NCR1: variants seen among roughly 807,000 people sequenced by gnomAD.
NCR1 encodes the protein natural cytotoxicity triggering receptor 1.
In NCR1, 30 loss-of-function variants were observed where a neutral mutation model predicts 32.5. That is an observed-to-expected ratio of 0.92 (90% CI 0.69 to 1.25). NCR1 has a LOEUF of 1.25. Among genes scored for constraint, NCR1 ranks in the 50% most tolerant of loss-of-function variants. The pLI is 0.00. For synonymous variants in NCR1, 169 were observed against 143.4 expected, an observed-to-expected ratio of 1.18 and a Z score of -1.28; for missense variants, 369 against 380.7, an observed-to-expected ratio of 0.97 and a Z score of 0.26.
chr19:54,903,446 G>T (rs587652498), upstream of NCR1, among the ~76,000 whole-genome samples: 1 of 115,730 alleles, frequency 8.6e-6, no homozygotes, highest in Non-Finnish European at 1.7e-5. Flanking sequence ...ATACATGTAT[G>T]TATATACATA....
upstream of NCR1, among the ~76,000 whole-genome samples, chr19:54,902,532 G>T (rs991184580): frequency 6.6e-6 from 1 of 151,982 alleles, no homozygotes; most frequent in African/African-American, 2.4e-5. Flanking sequence ...CTCCCAAAGT[G>T]CTGGGATTAC....
the NCR1 span, among the ~76,000 whole-genome samples, chr19:54,928,687 C>A: frequency 6.6e-6 from 1 of 152,268 alleles, no homozygotes; most frequent in African/African-American, 2.4e-5. Flanking sequence ...AGCATGCTAA[C>A]TGGGGGAGGG....
chr19:54,926,209 T>TGG, the NCR1 span, among the ~76,000 whole-genome samples: 1 of 146,334 alleles, frequency 6.8e-6, no homozygotes, highest in Non-Finnish European at 1.5e-5. Flanking sequence ...ATTAGGGGTG[T>TGG]GTGTGTGTGT....
upstream of NCR1, among the ~76,000 whole-genome samples, chr19:54,902,920 A>G (rs1347651597): frequency 6.6e-6 from 1 of 152,116 alleles, no homozygotes; most frequent in Non-Finnish European, 1.5e-5. Flanking sequence ...ACTTGAGGTC[A>G]AGAGTTCGAG....
At chr19:54,919,224 GAC>G (rs2068192562), downstream of NCR1, among the ~76,000 whole-genome samples, 1 of 150,010 alleles carries the variant, frequency 6.7e-6, no homozygotes, top group Non-Finnish European at 1.5e-5. Context: ...AAGACAAAGA[GAC>G]AAGAGAAAAG....
chr19:54,935,462 G>A, the NCR1 span, among the ~76,000 whole-genome samples: 44 of 152,188 alleles, frequency 2.9e-4, no homozygotes, highest in Middle Eastern at 3.4e-3. Context: ...TTGGGAGGCC[G>A]AGACAGGCGG....
At chr19:54,900,628 A>T in the NCR1 span, among the ~76,000 whole-genome samples, 1 of 152,028 alleles carries the variant, frequency 6.6e-6, no homozygotes, top group South Asian at 2.1e-4. Context: ...TGATCCGCAC[A>T]CCTCGGCCTC....
chr19:54,921,900 T>G, the NCR1 span, among the ~76,000 whole-genome samples: 1 of 50,898 alleles, frequency 2.0e-5, no homozygotes, highest in African/African-American at 7.7e-5. Context: ...AATGCTCTTA[T>G]TTTTTTTTTT....
chr19:54,930,759 A>G, the NCR1 span: 1 of 1,044,908 alleles, frequency 9.6e-7, no homozygotes, highest in Non-Finnish European at 1.5e-6. Context: ...TTCCACTTAT[A>G]TACTGGAATG....
rs1009806605 is a variant in NCR1, at chr19:54,908,468, C to T, written c.356-777C>T. ...TTTTTCTATTCGACAAAACCGCCATCGTCATCATGGCCCGTTCTCAATGAG... is the reference window on the plus strand; with the variant it reads ...TTTTTCTATTCGACAAAACCGCCATTGTCATCATGGCCCGTTCTCAATGAG... On this transcript the variant is annotated intron_variant, in intron 3 of 6. Coordinates refer to ENST00000291890, the MANE Select transcript of NCR1 (RefSeq NM_004829.7). Among the ~76,000 whole-genome samples, 52 of 152,146 alleles carry T rather than the reference C, an allele frequency of 3.4e-4. 1 individual carries two copies. The highest frequency in any genetic ancestry group is 1.2e-3 in the African/African-American group (51 of 41,500).
At chr19:54,908,012 A>G (rs1242795865) in intron 3 of NCR1, among the ~76,000 whole-genome samples, 2 of 150,500 alleles carry the variant, frequency 1.3e-5, no homozygotes, top group East Asian at 3.9e-4. Flanking sequence ...GTATTTATTG[A>G]TCATTCTTGG....
chr19:54,918,695 C>A (rs2068182395), downstream of NCR1, among the ~76,000 whole-genome samples: 1 of 151,992 alleles, frequency 6.6e-6, no homozygotes, highest in African/African-American at 2.4e-5. Context: ...CATACAGAGC[C>A]AGGCACGGTG....
At chr19:54,899,783 T>C in the NCR1 span, among the ~76,000 whole-genome samples, 1 of 152,022 alleles carries the variant, frequency 6.6e-6, no homozygotes, top group African/African-American at 2.4e-5. Context: ...CCCCATGTGG[T>C]CAGACACCTC....
At chr19:54,937,300 T>C in the NCR1 span, among the ~76,000 whole-genome samples, 2 of 150,952 alleles carry the variant, frequency 1.3e-5, no homozygotes, top group African/African-American at 2.4e-5. Context: ...GACAAAATAA[T>C]CTGTACAACA....
At chr19:54,900,085 G>T in the NCR1 span, among the ~76,000 whole-genome samples, 1 of 152,110 alleles carries the variant, frequency 6.6e-6, no homozygotes, top group Non-Finnish European at 1.5e-5. Context: ...GTCTGAGGAC[G>T]AGAGGTCGTA....
At chr19:54,901,827 G>A (rs1314782983), upstream of NCR1, among the ~76,000 whole-genome samples, 2 of 152,264 alleles carry the variant, frequency 1.3e-5, no homozygotes, top group African/African-American at 4.8e-5. Context: ...AATTAGCTGG[G>A]CGTGGTTGTG....
downstream of NCR1, among the ~76,000 whole-genome samples, chr19:54,918,183 C>T (rs1427610478): frequency 6.6e-6 from 1 of 152,038 alleles, no homozygotes; most frequent in Non-Finnish European, 1.5e-5. Context: ...CCTCCCGCCT[C>T]GGCCTCTCAA....
chr19:54,909,178 GA>G (rs371538113), intron 3 of NCR1, 66 bp from the exon 4 acceptor site: 19,024 of 1,069,786 alleles, frequency 0.018, 15 homozygotes, highest in African/African-American at 0.026. Context: ...TCTAAAGAAA[GA>G]AAAAAAAAAA....
the NCR1 span, chr19:54,923,567 A>C: frequency 1.1e-4 from 78 of 736,214 alleles, no homozygotes; most frequent in African/African-American, 1.2e-3. Flanking sequence ...CGTCATGTGA[A>C]GGGGGTGCGT....
Sources: allele counts gnomAD v4.1 joint callset (sites outside exome capture counted in the v4.1 genomes callset), GRCh38; gene constraint gnomAD v4.1.1; transcripts MANE v1.5; gene names NCBI Gene and HGNC (gene_info 2026-07-23, HGNC 2026-07-21).